The following EHBP1 variants were observed in gnomAD, a reference collection of about 807,000 sequenced individuals.
The protein encoded by EHBP1 is EH domain-binding protein 1.
In EHBP1, 55 loss-of-function variants were observed where a neutral mutation model predicts 144.0. The observed-to-expected ratio is 0.38, with a 90% confidence interval of 0.31 to 0.48. The LOEUF (loss-of-function observed/expected upper bound fraction) is 0.48, where lower values mean the gene tolerates loss of function less well. EHBP1 is among the 20% of genes least tolerant of loss of function. The pLI is 0.98. For synonymous variants in EHBP1, 469 were observed against 472.7 expected (o/e 0.99, Z 0.10); for missense variants, 1,200 against 1,364.2 (o/e 0.88, Z 1.90).
At chr2:62,975,819 G>A (rs1180790874) in intron 14 of EHBP1, among the ~76,000 whole-genome samples, 5 of 151,632 alleles carry the variant, frequency 3.3e-5, no homozygotes, top group Admixed American at 2.6e-4. Context: ...GCTTGAGCCT[G>A]GGAGGTCAAG....
intron 10 of EHBP1, among the ~76,000 whole-genome samples, chr2:62,903,689 C>G (rs1039629719): frequency 6.6e-6 from 1 of 152,012 alleles, no homozygotes; most frequent in Non-Finnish European, 1.5e-5. Flanking sequence ...TTGCTTGAGC[C>G]CAGGAGGTCA....
intron 10 of EHBP1, among the ~76,000 whole-genome samples, chr2:62,930,211 G>A (rs1362341838): frequency 6.6e-6 from 1 of 152,128 alleles, no homozygotes; most frequent in Non-Finnish European, 1.5e-5. Context: ...CCATGCTGCT[G>A]CACTTCAGCC....
chr2:62,797,841 A>G (rs1350548086), intron 5 of EHBP1, among the ~76,000 whole-genome samples: 3 of 152,236 alleles, frequency 2.0e-5, no homozygotes, highest in Non-Finnish European at 4.4e-5. Context: ...TTCATCTGTA[A>G]ACAGGGGTAA....
chr2:62,809,292 G>GAAAA (rs985494969), intron 5 of EHBP1, among the ~76,000 whole-genome samples: 4 of 46,546 alleles, frequency 8.6e-5, no homozygotes, highest in African/African-American at 1.5e-4. Flanking sequence ...CTATGTCTCA[G>GAAAA]AAAAAAAAAA....
At chr2:62,863,888 C>A (rs1482332706) in intron 8 of EHBP1, among the ~76,000 whole-genome samples, 1 of 120,270 alleles carries the variant, frequency 8.3e-6, no homozygotes, top group South Asian at 2.7e-4. Flanking sequence ...GCTCTGTTGC[C>A]CAGACTATAG....
chr2:62,941,500 TTAA>T (rs1170969672), intron 10 of EHBP1, among the ~76,000 whole-genome samples: 2 of 151,640 alleles, frequency 1.3e-5, no homozygotes, highest in Non-Finnish European at 2.9e-5. Context: ...AATCCGACTG[TTAA>T]TAAAAAATGA....
chr2:62,833,959 A>G (rs1049416058), intron 7 of EHBP1, among the ~76,000 whole-genome samples: 1 of 152,204 alleles, frequency 6.6e-6, no homozygotes, highest in African/African-American at 2.4e-5. Context: ...TCTGATCCTC[A>G]TGGCTGACTT....
chr2:62,678,496 T>G (rs1176205933), intron 1 of EHBP1, among the ~76,000 whole-genome samples: 1 of 152,136 alleles, frequency 6.6e-6, no homozygotes, highest in African/African-American at 2.4e-5. Context: ...TGTGTTTTAT[T>G]TCCCCTTTTG....
intron 10 of EHBP1, among the ~76,000 whole-genome samples, chr2:62,879,183 C>T (rs1270296419): frequency 6.6e-6 from 1 of 152,040 alleles, no homozygotes; most frequent in Admixed American, 6.6e-5. Context: ...CAGTTAACAC[C>T]ATACTGAATG....
chr2:62,749,811 C>A (rs1402860638), intron 3 of EHBP1, among the ~76,000 whole-genome samples: 1 of 152,144 alleles, frequency 6.6e-6, no homozygotes, highest in Non-Finnish European at 1.5e-5. Context: ...ATATCCTTTG[C>A]CCACTTGTTG....
chr2:62,925,330 A>G (rs537641335), intron 10 of EHBP1, among the ~76,000 whole-genome samples: 1 of 152,126 alleles, frequency 6.6e-6, no homozygotes, highest in African/African-American at 2.4e-5. Flanking sequence ...TATTCAGCAT[A>G]CTACTAGAAG....
intron 3 of EHBP1, among the ~76,000 whole-genome samples, chr2:62,751,875 T>G (rs939544274): frequency 6.6e-6 from 1 of 152,214 alleles, no homozygotes; most frequent in African/African-American, 2.4e-5. Context: ...CTTCTCTCTT[T>G]TCTTCTTTAT....
intron 21 of EHBP1, chr2:63,043,874 G>A (rs1447065351): frequency 8.1e-6 from 1 of 122,892 alleles, no homozygotes; most frequent in Non-Finnish European, 1.6e-5. Flanking sequence ...TTTTTGGAAA[G>A]TGCATTTGCT....
chr2:62,858,513 C>A, intron 7 of EHBP1: 1 of 1,596,524 alleles, frequency 6.3e-7, no homozygotes. Flanking sequence ...CTCTGAAGGT[C>A]TAAGAGCTTT....
chr2:62,941,982 T>C (rs2056782221), intron 10 of EHBP1, among the ~76,000 whole-genome samples: 1 of 152,096 alleles, frequency 6.6e-6, no homozygotes, highest in Non-Finnish European at 1.5e-5. Context: ...ATTATTGATG[T>C]TTTAAGTATA....
intron 19 of EHBP1, among the ~76,000 whole-genome samples, chr2:63,004,837 G>A (rs1026191047): frequency 6.6e-6 from 1 of 151,970 alleles, no homozygotes; most frequent in African/African-American, 2.4e-5. Context: ...ACTTCAATAT[G>A]CATCAGAATT....
chr2:62,880,963 A>C (rs1016862057), intron 10 of EHBP1, among the ~76,000 whole-genome samples: 4 of 152,156 alleles, frequency 2.6e-5, no homozygotes, highest in African/African-American at 9.7e-5. Flanking sequence ...ACTATTCACA[A>C]TAGAAAACAC....
intron 2 of EHBP1, among the ~76,000 whole-genome samples, chr2:62,726,129 GA>G (rs1168722279): frequency 2.6e-5 from 4 of 152,174 alleles, no homozygotes; most frequent in African/African-American, 9.7e-5. Context: ...AGCCTAGGGG[GA>G]TGGGCAACCC....
At chr2:62,950,361 C>A (rs890730219) in intron 13 of EHBP1, among the ~76,000 whole-genome samples, 2 of 152,082 alleles carry the variant, frequency 1.3e-5, no homozygotes, top group African/African-American at 4.8e-5. Context: ...TTTGTGATAT[C>A]TCAACAGATT....
Sources: allele counts gnomAD v4.1 joint callset (sites outside exome capture counted in the v4.1 genomes callset), GRCh38; gene constraint gnomAD v4.1.1; transcripts MANE v1.5; gene names NCBI Gene and HGNC (gene_info 2026-07-23, HGNC 2026-07-21).